The following NTM variants were observed in gnomAD, a reference collection of about 807,000 sequenced individuals.
The protein encoded by NTM is neurotrimin.
A neutral mutation model predicts 42.1 loss-of-function variants in NTM; 13 were observed. That is an observed-to-expected ratio of 0.31 (90% CI 0.20 to 0.49). NTM has a LOEUF of 0.49. Among genes scored for constraint, NTM ranks in the 20% least tolerant of loss-of-function variants. NTM has a pLI of 0.99. For synonymous variants in NTM, 187 were observed against 179.2 expected, an observed-to-expected ratio of 1.04 and a Z score of -0.35; for missense variants, 373 against 452.8, an observed-to-expected ratio of 0.82 and a Z score of 1.60.
At chr11:132,277,028 C>T (rs3099787) in intron 4 of NTM, among the ~76,000 whole-genome samples, 136,967 of 152,264 alleles carry the variant, frequency 0.9, 61,714 homozygotes, top group African/African-American at 0.95. Flanking sequence ...TTCACAACAT[C>T]CACTTCTATT....
chr11:131,646,069 G>A (rs1259385625), intron 1 of NTM, among the ~76,000 whole-genome samples: 1 of 152,242 alleles, frequency 6.6e-6, no homozygotes, highest in Non-Finnish European at 1.5e-5. Context: ...ATTGATAAGA[G>A]GATAAGCCCA....
In NTM at chr11:132,303,726, A is replaced by G. The variant is rs547122489; in HGVS notation, c.527-3963A>G. ...TTTCTAGGTGACAAAAAAAAAAAAA[A>G]AAAAACAATCTGTGAAGAACAAATC... On this transcript the variant is annotated intron_variant, in intron 4 of 8. Coordinates refer to ENST00000683400, the MANE Select transcript of NTM (RefSeq NM_001352005.2). Among the ~76,000 whole-genome samples the G allele has an allele frequency of 2.5e-4, 37 of 150,326 alleles. 2 individuals are homozygous for G. The South Asian group carries it at 7.4e-3, about 30-fold the overall frequency.
chr11:131,812,282 T>C, intron 1 of NTM, among the ~76,000 whole-genome samples: 1 of 151,782 alleles, frequency 6.6e-6, no homozygotes, highest in Non-Finnish European at 1.5e-5. Context: ...GCCATTATCA[T>C]ATGTGGGCTA....
intron 1 of NTM, among the ~76,000 whole-genome samples, chr11:131,712,599 C>T (rs2077288780): frequency 6.6e-6 from 1 of 151,948 alleles, no homozygotes; most frequent in Admixed American, 6.6e-5. Flanking sequence ...ACATTTTACT[C>T]ATAGAGACAA....
intron 7 of NTM, among the ~76,000 whole-genome samples, chr11:132,328,364 C>T (rs1032413133): frequency 1.3e-5 from 2 of 152,132 alleles, no homozygotes; most frequent in African/African-American, 4.8e-5. Context: ...ATGAGCATCA[C>T]ATTTTCTTTA....
intron 7 of NTM, among the ~76,000 whole-genome samples, chr11:132,324,752 C>T (rs936419766): frequency 3.4e-5 from 5 of 146,946 alleles, no homozygotes; most frequent in Non-Finnish European, 7.5e-5. Context: ...AGGCATCACA[C>T]TACCTGACTT....
chr11:132,030,166 C>T (rs936309073), intron 2 of NTM, among the ~76,000 whole-genome samples: 1 of 152,154 alleles, frequency 6.6e-6, no homozygotes, highest in African/African-American at 2.4e-5. Flanking sequence ...CACCTAAACA[C>T]ACTCCCTGTC....
rs187695761 is a variant in NTM, at chr11:131,569,180, C to A, written c.82+198292C>A. Among the ~76,000 whole-genome samples, 99 of 148,936 alleles carry A rather than the reference C, an allele frequency of 6.6e-4. No individual in the cohort carries two copies. In the East Asian group the frequency reaches 0.019, roughly 29 times the overall value. On this transcript the variant is annotated intron_variant, in intron 1 of 8. Coordinates refer to ENST00000683400, the MANE Select transcript of NTM (RefSeq NM_001352005.2). ...TTTTTTTGAGACAGAGTTTCGCTCTCGTCACCCAGGCTGGTGTGCAATGGC... is the reference window on the plus strand; with the variant it reads ...TTTTTTTGAGACAGAGTTTCGCTCTAGTCACCCAGGCTGGTGTGCAATGGC...
At chr11:131,503,236 C>T (rs553575643) in intron 1 of NTM, among the ~76,000 whole-genome samples, 1 of 152,254 alleles carries the variant, frequency 6.6e-6, no homozygotes, top group East Asian at 1.9e-4. Context: ...GTGTGGAGGA[C>T]TATGCAATCC....
At chr11:132,022,761 G>A (rs2074541894) in intron 2 of NTM, among the ~76,000 whole-genome samples, 1 of 152,214 alleles carries the variant, frequency 6.6e-6, no homozygotes, top group Non-Finnish European at 1.5e-5. Context: ...ATGGAATCAA[G>A]TACAGCAGGA....
At chr11:131,569,574 CTT>C (rs371565373) in intron 1 of NTM, among the ~76,000 whole-genome samples, 3,563 of 130,810 alleles carry the variant, frequency 0.027, 122 homozygotes, top group African/African-American at 0.1. Context: ...TTTCTTCTCT[CTT>C]TTTTTTTTTT....
At chr11:132,078,173 A>G (rs2058601973) in intron 2 of NTM, among the ~76,000 whole-genome samples, 1 of 152,258 alleles carries the variant, frequency 6.6e-6, no homozygotes, top group Non-Finnish European at 1.5e-5. Flanking sequence ...TGTTCTCCCC[A>G]GTAAAGTCAG....
At chr11:131,584,727 A>C (rs2512896) in intron 1 of NTM, among the ~76,000 whole-genome samples, 1 of 151,758 alleles carries the variant, frequency 6.6e-6, no homozygotes, top group Non-Finnish European at 1.5e-5. Flanking sequence ...GCCTGTGTCA[A>C]TCACCCTGGA....
rs2052140895 is a variant in NTM at position 131,536,025 on chromosome 11, T to C, written c.82+165137T>C. ...GGGTTGGGTGGTTGGGTAGTAGCAC[T>C]CACCTTATTTCCACTTTTCCTCAAT... On this transcript the variant is annotated intron_variant, in intron 1 of 8. Coordinates refer to ENST00000683400, the MANE Select transcript of NTM (RefSeq NM_001352005.2). 2.0e-5 allele frequency: 3 copies of C among 152,196 alleles called. No homozygotes were observed. In the South Asian group the frequency reaches 6.2e-4, roughly 32 times the overall value. The allele number at this position is 152,196 out of a possible 1,614,324, so 9.4% of individuals were successfully genotyped here.
intron 2 of NTM, chr11:131,981,641 A>G (rs1296834958): frequency 1.3e-5 from 2 of 152,174 alleles, no homozygotes; most frequent in Non-Finnish European, 2.9e-5. Flanking sequence ...AATATCCAAT[A>G]TTTCTGTGCT....
At position 131,708,092 on chromosome 11, in the gene NTM, T is replaced by A. The variant is rs187964025; in HGVS notation, c.83-203472T>A. 2.0e-3 allele frequency among the ~76,000 whole-genome samples: 310 copies of A among 152,206 alleles called. 1 individual carries two copies. The highest frequency in any genetic ancestry group is 3.2e-3 in the Non-Finnish European group (218 of 67,956). ...GAAGTTACAGGCCACAAAATCAACA[T>A]ACAAAAATTAGTGAGAACTAACAGT... On this transcript the variant is annotated intron_variant, in intron 1 of 8. Transcript: ENST00000683400.
intron 1 of NTM, among the ~76,000 whole-genome samples, chr11:131,885,558 C>T (rs1258976599): frequency 6.6e-6 from 1 of 152,214 alleles, no homozygotes; most frequent in African/African-American, 2.4e-5. Flanking sequence ...GCAGCAGAAA[C>T]TGCAAGAGCA....
chr11:131,507,731 C>T (rs12575254), intron 1 of NTM, among the ~76,000 whole-genome samples: 1 of 147,252 alleles, frequency 6.8e-6, no homozygotes, highest in Non-Finnish European at 1.5e-5. Context: ...CTTTTATTTC[C>T]TTGAGCAGTG....
chr11:131,647,921 G>C (rs1029462200), intron 1 of NTM, among the ~76,000 whole-genome samples: 1 of 152,174 alleles, frequency 6.6e-6, no homozygotes, highest in Non-Finnish European at 1.5e-5. Flanking sequence ...CTCGTGTCAT[G>C]GGGGTTTGTT....
Sources: gnomAD v4.1 joint callset for allele counts (sites outside exome capture counted in the v4.1 genomes callset) on GRCh38, gnomAD v4.1.1 for gene constraint, MANE v1.5 for transcripts, NCBI Gene and HGNC (gene_info 2026-07-23, HGNC 2026-07-21) for gene names.